Variants in EEFSEC observed in about 807,000 individuals in gnomAD.
The protein encoded by EEFSEC is selenocysteine-specific elongation factor.
EEFSEC carries 43 observed loss-of-function variants against 42.1 expected under a neutral mutation model. That is an observed-to-expected ratio of 1.02 (90% confidence interval 0.80 to 1.32). The LOEUF (loss-of-function observed/expected upper bound fraction) is 1.32. Among genes scored for constraint, EEFSEC ranks in the 40% most tolerant of loss-of-function variants. EEFSEC has a pLI of 0.00. For synonymous variants in EEFSEC, 354 were observed against 339.1 expected (o/e 1.04, Z -0.48); for missense variants, 745 against 803.6 (o/e 0.93, Z 0.88).
chr3:128,255,499 C>T (rs983313871), intron 2 of EEFSEC, among the ~76,000 whole-genome samples: 3 of 152,172 alleles, frequency 2.0e-5, no homozygotes, highest in Non-Finnish European at 2.9e-5. Flanking sequence ...GGAATTGGCA[C>T]CCTGGTCTGG....
In EEFSEC at chr3:128,404,907, G is replaced by T. The variant is rs1033358644; in HGVS notation, c.1601-3162G>T. Among the ~76,000 whole-genome samples the T allele has an allele frequency of 2.6e-5, 4 of 152,208 alleles. No individual in the cohort carries two copies. In the South Asian group the frequency reaches 6.2e-4, roughly 24 times the overall value. ...TCCCAGGGGACTCAGGCTTTAGATG[G>T]CCAGTAATCTCACTTCCGCCTGCCA... On this transcript the variant is annotated intron_variant, in intron 6 of 6. Transcript: ENST00000254730.
At chr3:128,344,010 A>C (rs1332493445) in intron 5 of EEFSEC, among the ~76,000 whole-genome samples, 3 of 152,232 alleles carry the variant, frequency 2.0e-5, no homozygotes, top group Admixed American at 2.0e-4. Context: ...CTATGAGCCC[A>C]GGGCTTTGGT....
intron 4 of EEFSEC, among the ~76,000 whole-genome samples, chr3:128,282,434 G>A (rs1249963644): frequency 6.6e-6 from 1 of 152,218 alleles, no homozygotes; most frequent in African/African-American, 2.4e-5. Context: ...AAAATATGCT[G>A]CTTGCCAAAG....
intron 1 of EEFSEC, among the ~76,000 whole-genome samples, chr3:128,157,474 A>G (rs1292484446): frequency 2.0e-5 from 3 of 152,254 alleles, no homozygotes; most frequent in East Asian, 1.9e-4. Flanking sequence ...AGAGAAGTCA[A>G]TGACTGGGTA....
chr3:128,193,821 C>T (rs1220254851), intron 1 of EEFSEC, among the ~76,000 whole-genome samples: 1 of 152,196 alleles, frequency 6.6e-6, no homozygotes, highest in Non-Finnish European at 1.5e-5. Context: ...TCTTTGCCTT[C>T]CTCCCTCCAG....
chr3:128,375,954 T>C (rs1188479957), intron 6 of EEFSEC, among the ~76,000 whole-genome samples: 2 of 152,106 alleles, frequency 1.3e-5, no homozygotes, highest in African/African-American at 2.4e-5. Context: ...AGAAATAGGG[T>C]ATTTGAAGCC....
chr3:128,282,753 C>G (rs150048638), intron 4 of EEFSEC, among the ~76,000 whole-genome samples: 121 of 152,302 alleles, frequency 7.9e-4, no homozygotes, highest in Non-Finnish European at 1.4e-3. Context: ...GAGAGGCAAC[C>G]TGGTGAGTCT....
At chr3:128,379,970 C>T (rs187927081) in intron 6 of EEFSEC, among the ~76,000 whole-genome samples, 3 of 152,250 alleles carry the variant, frequency 2.0e-5, no homozygotes, top group Non-Finnish European at 4.4e-5. Context: ...AGTAGGGCCT[C>T]GGCCCCTGTG....
At chr3:128,244,079 C>T (rs950057024) in intron 1 of EEFSEC, among the ~76,000 whole-genome samples, 5 of 152,160 alleles carry the variant, frequency 3.3e-5, no homozygotes, top group African/African-American at 9.7e-5. Flanking sequence ...CTTCACCCAC[C>T]GGAGAGGGAG....
intron 1 of EEFSEC, among the ~76,000 whole-genome samples, chr3:128,203,778 A>G (rs1304734833): frequency 2.6e-5 from 4 of 152,232 alleles, no homozygotes; most frequent in Non-Finnish European, 1.5e-5. Context: ...ATTAATTGAT[A>G]CCACCTATCT....
At chr3:128,369,966 C>G in intron 6 of EEFSEC, among the ~76,000 whole-genome samples, 1 of 152,302 alleles carries the variant, frequency 6.6e-6, no homozygotes, top group Non-Finnish European at 1.5e-5. Flanking sequence ...GACATTGATG[C>G]CACATTGTCT....
At chr3:128,353,454 C>T (rs188273209) in intron 5 of EEFSEC, among the ~76,000 whole-genome samples, 72 of 152,310 alleles carry the variant, frequency 4.7e-4, no homozygotes, top group Non-Finnish European at 7.9e-4. Context: ...GCCCTCTTTC[C>T]CTCCTCTCCT....
At chr3:128,401,712 C>T (rs1268760722) in intron 6 of EEFSEC, among the ~76,000 whole-genome samples, 2 of 152,114 alleles carry the variant, frequency 1.3e-5, no homozygotes, top group African/African-American at 2.4e-5. Flanking sequence ...TGACCCGGAC[C>T]CTAGAGCAAT....
intron 5 of EEFSEC, among the ~76,000 whole-genome samples, chr3:128,346,812 C>T (rs1266450870): frequency 6.6e-6 from 1 of 152,112 alleles, no homozygotes; most frequent in African/African-American, 2.4e-5. Flanking sequence ...GACTGTGTTC[C>T]CATAAAACCT....
At chr3:128,205,326 G>A (rs549662550) in intron 1 of EEFSEC, among the ~76,000 whole-genome samples, 1 of 152,266 alleles carries the variant, frequency 6.6e-6, no homozygotes, top group Admixed American at 6.5e-5. Context: ...GACAAACACA[G>A]AAGCCCCCTT....
At chr3:128,175,139 C>A (rs1291289500) in intron 1 of EEFSEC, among the ~76,000 whole-genome samples, 3 of 150,634 alleles carry the variant, frequency 2.0e-5, no homozygotes, top group Non-Finnish European at 4.4e-5. Flanking sequence ...TCCCACGCCT[C>A]CCCCCGCTCC....
At chr3:128,233,119 A>T (rs2065975328) in intron 1 of EEFSEC, among the ~76,000 whole-genome samples, 1 of 152,176 alleles carries the variant, frequency 6.6e-6, no homozygotes, top group South Asian at 2.1e-4. Context: ...CAGTCCCTGG[A>T]TTTAGTGCCA....
rs1269386428 is a variant in EEFSEC at position 128,153,714 on chromosome 3, C to G, written c.207C>G (p.Pro69=). 3 of 1,585,540 alleles carry G rather than the reference C, an allele frequency of 1.9e-6. No homozygotes were observed. Among genetic ancestry groups the G allele is most frequent in the East Asian group, 4.6e-5 (2 of 43,710 alleles). The change falls in exon 1 of 7, where the codon CCC becomes CCG. Residue 69 remains proline, a synonymous_variant. Coordinates refer to ENST00000254730, the MANE Select transcript of EEFSEC (RefSeq NM_021937.5). ...PLPARLRSSL[P]EFQAAPEAEP... The stretch of plus-strand genomic sequence containing the variant: ...CCGCGCGCCTGCGGTCGTCTTTGCC[C>G]GAGTTCCAGGCAGCGCCCGAGGCCG...
At chr3:128,407,738 A>C (rs1200658007) in intron 6 of EEFSEC, among the ~76,000 whole-genome samples, 1 of 152,148 alleles carries the variant, frequency 6.6e-6, no homozygotes, top group Non-Finnish European at 1.5e-5. Context: ...GGAGTACCCC[A>C]CCCAGGGAGC....
Sources: gnomAD v4.1 joint callset for allele counts (sites outside exome capture counted in the v4.1 genomes callset) on GRCh38, gnomAD v4.1.1 for gene constraint, MANE v1.5 for transcripts, NCBI Gene and HGNC (gene_info 2026-07-23, HGNC 2026-07-21) for gene names.